OPCML: variants seen among roughly 807,000 people sequenced by gnomAD.
OPCML encodes opioid-binding protein/cell adhesion molecule.
A neutral mutation model predicts 37.8 loss-of-function variants in OPCML; 13 were observed. The ratio of observed to expected loss-of-function variants is 0.34; its 90% CI spans 0.22 to 0.55. The LOEUF (loss-of-function observed/expected upper bound fraction) is 0.55. Among genes scored for constraint, OPCML ranks in the 20% least tolerant of loss-of-function variants. The probability of loss-of-function intolerance (pLI) is 0.91; values close to 1 mark genes in which losing one functional copy is unlikely to be tolerated. For synonymous variants in OPCML, 176 were observed against 168.8 expected (o/e 1.04, Z -0.33); for missense variants, 341 against 435.6 (o/e 0.78, Z 1.93).
chr11:132,564,178 G>T (rs2096417034), intron 3 of OPCML, among the ~76,000 whole-genome samples: 1 of 152,202 alleles, frequency 6.6e-6, no homozygotes, highest in Non-Finnish European at 1.5e-5. Context: ...GGTCACCCTG[G>T]CCATTGTGGC....
At chr11:133,449,471 C>A (rs1946535563) in intron 1 of OPCML, among the ~76,000 whole-genome samples, 1 of 152,192 alleles carries the variant, frequency 6.6e-6, no homozygotes, top group South Asian at 2.1e-4. Context: ...CTTAGGGTTG[C>A]TGTGACCAAT....
chr11:133,105,856 C>T (rs1565449544), intron 1 of OPCML, among the ~76,000 whole-genome samples: 1 of 152,034 alleles, frequency 6.6e-6, no homozygotes, highest in Non-Finnish European at 1.5e-5. Context: ...GTGGCGGGTG[C>T]CTGTAATCCC....
At chr11:132,816,910 G>A (rs1939669760) in intron 2 of OPCML, among the ~76,000 whole-genome samples, 1 of 152,156 alleles carries the variant, frequency 6.6e-6, no homozygotes, top group Non-Finnish European at 1.5e-5. Context: ...CGTGAAGAGG[G>A]AGTTGACAAC....
intron 3 of OPCML, among the ~76,000 whole-genome samples, chr11:132,606,101 G>T (rs1054308909): frequency 1.3e-5 from 2 of 152,156 alleles, no homozygotes; most frequent in African/African-American, 4.8e-5. Flanking sequence ...TTGGCAGAAG[G>T]AATTTCGTCT....
intron 2 of OPCML, among the ~76,000 whole-genome samples, chr11:132,870,521 A>C (rs1194759708): frequency 6.6e-6 from 1 of 152,088 alleles, no homozygotes; most frequent in Non-Finnish European, 1.5e-5. Flanking sequence ...AAATGGCGCC[A>C]CCCTATGATC....
chr11:133,247,801 C>T (rs1940996440), intron 1 of OPCML, among the ~76,000 whole-genome samples: 1 of 151,988 alleles, frequency 6.6e-6, no homozygotes, highest in Non-Finnish European at 1.5e-5. Flanking sequence ...CGGGGTTTCA[C>T]CATGTTGGTC....
intron 1 of OPCML, among the ~76,000 whole-genome samples, chr11:133,207,277 G>A (rs887666820): frequency 6.6e-5 from 10 of 152,046 alleles, no homozygotes; most frequent in Admixed American, 1.3e-4. Context: ...TCCAGCCTGG[G>A]CGACAGAGTG....
intron 2 of OPCML, among the ~76,000 whole-genome samples, chr11:132,753,050 A>G (rs1037810400): frequency 3.9e-5 from 6 of 152,008 alleles, no homozygotes; most frequent in Admixed American, 3.3e-4. Context: ...AGTATAGTTG[A>G]TAGGAGATGA....
chr11:133,215,071 A>G (rs1939526588), intron 1 of OPCML, among the ~76,000 whole-genome samples: 1 of 152,220 alleles, frequency 6.6e-6, no homozygotes. Flanking sequence ...ACCTAGTTAT[A>G]TCTCTCAATA....
chr11:132,875,163 A>G (rs911346645), intron 2 of OPCML, among the ~76,000 whole-genome samples: 16 of 152,194 alleles, frequency 1.1e-4, no homozygotes, highest in South Asian at 2.1e-4. Flanking sequence ...CTTCATGTAA[A>G]GTAGAAATTA....
At chr11:132,668,460 G>A (rs1339740066) in intron 2 of OPCML, among the ~76,000 whole-genome samples, 2 of 152,160 alleles carry the variant, frequency 1.3e-5, no homozygotes, top group East Asian at 1.9e-4. Flanking sequence ...TGTGAAGTGG[G>A]ATGAACGTAT....
At position 132,417,753 on chromosome 11, in the gene OPCML, A is replaced by G. The variant is rs1255516798; in HGVS notation, c.*2440T>C. On this transcript the variant is annotated 3_prime_UTR_variant, in exon 8 of 8. Transcript: ENST00000524381. Reference sequence around the variant, plus strand: ...CAGATGACACATTTAATTCTCATACACTATCTGACACCAACTCAACTCCAG... The same window carrying G: ...CAGATGACACATTTAATTCTCATACGCTATCTGACACCAACTCAACTCCAG... The G allele has an allele frequency of 1.3e-5, 2 of 152,172 alleles. No homozygotes were observed. The highest frequency in any genetic ancestry group is 1.5e-5 in the Non-Finnish European group (1 of 68,024). 9.4% of individuals were successfully genotyped at this position (152,172 alleles called of 1,614,324 possible).
chr11:132,502,900 A>C (rs1308192796), intron 4 of OPCML, among the ~76,000 whole-genome samples: 2 of 152,164 alleles, frequency 1.3e-5, no homozygotes, highest in Non-Finnish European at 1.5e-5. Context: ...AAGTGCCTCT[A>C]GTGGATTCTG....
At chr11:132,956,267 T>C (rs1326498488) in intron 1 of OPCML, among the ~76,000 whole-genome samples, 1 of 152,154 alleles carries the variant, frequency 6.6e-6, no homozygotes, top group Non-Finnish European at 1.5e-5. Context: ...CAGGTAGCCG[T>C]ACCACGTGGC....
chr11:133,146,455 C>T (rs1463730871), intron 1 of OPCML, among the ~76,000 whole-genome samples: 1 of 151,958 alleles, frequency 6.6e-6, no homozygotes, highest in African/African-American at 2.4e-5. Flanking sequence ...GCTGGGATTA[C>T]AGGCACCCGC....
intron 4 of OPCML, among the ~76,000 whole-genome samples, chr11:132,472,531 T>C (rs1040175087): frequency 6.6e-6 from 1 of 152,250 alleles, no homozygotes; most frequent in Non-Finnish European, 1.5e-5. Context: ...GTAATATTTA[T>C]ATTTCCTAGC....
intron 1 of OPCML, among the ~76,000 whole-genome samples, chr11:133,167,286 A>G (rs374910317): frequency 1.3e-5 from 2 of 152,128 alleles, no homozygotes; most frequent in African/African-American, 4.8e-5. Context: ...TATTATTGGA[A>G]TGATAATACC....
Position 132,848,934 on chromosome 11 carries a change from C to T in OPCML, c.146+93992G>A, listed in dbSNP as rs116725247. ...CTACGAAAGGCAGGATGTTGCTGGG[C>T]GAAGTTGGTGAAGATAAATCACTAG... On this transcript the variant is annotated intron_variant, in intron 2 of 7. Coordinates refer to ENST00000524381, the MANE Select transcript of OPCML (RefSeq NM_001012393.5). 7.8e-3 allele frequency among the ~76,000 whole-genome samples: 1,180 copies of T among 152,234 alleles called. 13 individuals carry two copies. Among genetic ancestry groups the T allele is most frequent in the African/African-American group, 0.027 (1,121 of 41,524 alleles).
intron 5 of OPCML, 145 bp from the exon 6 acceptor site, chr11:132,436,924 A>G (rs1405966613): frequency 1.4e-6 from 2 of 1,446,864 alleles, no homozygotes; most frequent in East Asian, 2.5e-5. Context: ...TAAAATAATC[A>G]TTTATTTCAG....
Sources: gnomAD v4.1 joint callset for allele counts (sites outside exome capture counted in the v4.1 genomes callset) on GRCh38, gnomAD v4.1.1 for gene constraint, MANE v1.5 for transcripts, NCBI Gene and HGNC (gene_info 2026-07-23, HGNC 2026-07-21) for gene names.